Variants in RNF180 observed in about 807,000 individuals in gnomAD.
The protein encoded by RNF180 is ring finger protein 180, also known as E3 ubiquitin-protein ligase RNF180.
A neutral mutation model predicts 59.2 loss-of-function variants in RNF180; 38 were observed. That is an observed-to-expected ratio of 0.64 (90% CI 0.50 to 0.84). RNF180 has a LOEUF of 0.84. Ranked by LOEUF, RNF180 falls within the 40% of genes least tolerant of loss-of-function variation. The probability of loss-of-function intolerance (pLI) is 0.00; values close to 1 mark genes in which losing one functional copy is unlikely to be tolerated. For missense variants in RNF180, 705 were observed against 700.9 expected, an observed-to-expected ratio of 1.01 and a Z score of -0.07; for synonymous variants, 262 against 240.3, an observed-to-expected ratio of 1.09 and a Z score of -0.84.
intron 5 of RNF180, among the ~76,000 whole-genome samples, chr5:64,272,982 T>C (rs1047192198): frequency 6.6e-6 from 1 of 151,912 alleles, no homozygotes; most frequent in Admixed American, 6.6e-5. Context: ...GCTGGAGTAC[T>C]AAATCTGAAG....
intron 5 of RNF180, among the ~76,000 whole-genome samples, chr5:64,295,117 T>C (rs576768082): frequency 6.6e-6 from 1 of 152,332 alleles, no homozygotes; most frequent in Non-Finnish European, 1.5e-5. Flanking sequence ...TTCCTGGTTA[T>C]TGCTGAGTAG....
rs151133100 is a variant in RNF180, at chr5:64,205,349, G to A, written c.135+4407G>A. On this transcript the variant is annotated intron_variant, in intron 2 of 7. Transcript: ENST00000389100. The stretch of plus-strand genomic sequence containing the variant: ...ATGGAGTTTTCAGACAATCTACAAC[G>A]TCCACAAGGAGAAAGGGGGACTTCG... Among the ~76,000 whole-genome samples the A allele has an allele frequency of 2.4e-3, 364 of 152,236 alleles. 2 individuals carry two copies. Among genetic ancestry groups the A allele is most frequent in the African/African-American group, 8.2e-3 (342 of 41,564 alleles).
At chr5:64,354,526 G>A (rs1158228831) in intron 7 of RNF180, among the ~76,000 whole-genome samples, 1 of 151,622 alleles carries the variant, frequency 6.6e-6, no homozygotes, top group African/African-American at 2.4e-5. Flanking sequence ...AGTATTTAAA[G>A]AAGCAACACC....
chr5:64,207,143 CTT>C (rs1752057321), intron 2 of RNF180, among the ~76,000 whole-genome samples: 1 of 151,462 alleles, frequency 6.6e-6, no homozygotes, highest in Non-Finnish European at 1.5e-5. Flanking sequence ...ATATTTATAA[CTT>C]AATAGTGAAA....
chr5:64,367,829 C>T (rs1047138745), intron 7 of RNF180, among the ~76,000 whole-genome samples: 2 of 151,758 alleles, frequency 1.3e-5, no homozygotes, highest in East Asian at 3.9e-4. Flanking sequence ...GTTTATTATG[C>T]TGTCCCTGTT....
chr5:64,253,039 C>T (rs1319834027), intron 5 of RNF180, among the ~76,000 whole-genome samples: 2 of 152,000 alleles, frequency 1.3e-5, no homozygotes, highest in African/African-American at 4.8e-5. Flanking sequence ...AATCCTGAAA[C>T]TATTTACCAC....
At chr5:64,190,185 TGTAGGTCAGACCA>T (rs1205103875) in intron 1 of RNF180, among the ~76,000 whole-genome samples, 1 of 152,236 alleles carries the variant, frequency 6.6e-6, no homozygotes, top group Non-Finnish European at 1.5e-5. Flanking sequence ...ATGGTGGGCC[TGTAGGTCAGACCA>T]TTAAGCCAGA....
At chr5:64,334,550 CTTCT>C (rs1745042689) in intron 7 of RNF180, among the ~76,000 whole-genome samples, 1 of 122,918 alleles carries the variant, frequency 8.1e-6, no homozygotes, top group Non-Finnish European at 1.8e-5. Context: ...TTCTGTAGTT[CTTCT>C]TTGTTTACCC....
chr5:64,311,628 G>T (rs1226543012), intron 5 of RNF180, among the ~76,000 whole-genome samples: 1 of 151,752 alleles, frequency 6.6e-6, no homozygotes, highest in African/African-American at 2.4e-5. Context: ...TGTTCCTTTT[G>T]CCCAAAATGT....
intron 1 of RNF180, among the ~76,000 whole-genome samples, chr5:64,175,365 T>G (rs1357783811): frequency 2.0e-5 from 3 of 152,194 alleles, no homozygotes; most frequent in African/African-American, 7.2e-5. Context: ...CCAGTATCAT[T>G]TATTTAAGAG....
At chr5:64,319,531 T>C (rs1024865605) in intron 5 of RNF180, among the ~76,000 whole-genome samples, 1 of 152,216 alleles carries the variant, frequency 6.6e-6, no homozygotes, top group East Asian at 1.9e-4. Flanking sequence ...TATACTATTC[T>C]TTGTGCCTTT....
rs1223852760 is a variant in RNF180, at chr5:64,174,983, T to TTC, written c.-1+9031_-1+9032insCT. Among the ~76,000 whole-genome samples the TTC allele has an allele frequency of 2.9e-3, 402 of 140,898 alleles. 6 individuals carry two copies. The highest frequency in any genetic ancestry group is 0.01 in the African/African-American group (387 of 37,898). The allele number at this position is 140,898 out of a possible 152,430, so 92.4% of individuals were successfully genotyped here. On this transcript the variant is annotated intron_variant, in intron 1 of 7. Transcript: ENST00000389100. ...TCTTTTTTTTTTTTTTTTTTTTTTTTTTGAGACGGAGTCTCGCTCTGTCCC... is the reference window on the plus strand; with the variant it reads ...TCTTTTTTTTTTTTTTTTTTTTTTTTTCTTGAGACGGAGTCTCGCTCTGTCCC...
At chr5:64,253,118 G>C (rs977601591) in intron 5 of RNF180, among the ~76,000 whole-genome samples, 1 of 152,122 alleles carries the variant, frequency 6.6e-6, no homozygotes, top group Non-Finnish European at 1.5e-5. Flanking sequence ...TCTACACAGA[G>C]AAAATCAGAG....
At chr5:64,224,346 C>A (rs1038683243) in intron 5 of RNF180, among the ~76,000 whole-genome samples, 1 of 151,970 alleles carries the variant, frequency 6.6e-6, no homozygotes, top group East Asian at 1.9e-4. Context: ...ATATTTTGAT[C>A]CTATGCTGTC....
intron 2 of RNF180, among the ~76,000 whole-genome samples, chr5:64,209,359 A>G (rs1052813111): frequency 6.6e-6 from 1 of 152,026 alleles, no homozygotes; most frequent in Non-Finnish European, 1.5e-5. Flanking sequence ...ATGCTATGTG[A>G]TTAAAAAATG....
chr5:64,260,307 G>A (rs988159796), intron 5 of RNF180, among the ~76,000 whole-genome samples: 1 of 152,102 alleles, frequency 6.6e-6, no homozygotes, highest in Admixed American at 6.6e-5. Flanking sequence ...CGGTTATGCA[G>A]TAGTCTCTGT....
chr5:64,228,750 T>G (rs1351818039), intron 5 of RNF180, among the ~76,000 whole-genome samples: 4 of 152,018 alleles, frequency 2.6e-5, no homozygotes, highest in African/African-American at 9.7e-5. Flanking sequence ...GAAGCTTAGA[T>G]CACTCACCTT....
chr5:64,329,618 C>T (rs1277437945), intron 6 of RNF180, among the ~76,000 whole-genome samples: 2 of 151,910 alleles, frequency 1.3e-5, no homozygotes, highest in East Asian at 3.9e-4. Flanking sequence ...CCACCATGCC[C>T]AGCTAATTTT....
chr5:64,267,902 T>TA (rs1173532058), intron 5 of RNF180, among the ~76,000 whole-genome samples: 1 of 152,192 alleles, frequency 6.6e-6, no homozygotes, highest in Non-Finnish European at 1.5e-5. Flanking sequence ...GTAGTGCTGA[T>TA]ACTGCTGTGA....
Sources: gnomAD v4.1 joint callset for allele counts (sites outside exome capture counted in the v4.1 genomes callset) on GRCh38, gnomAD v4.1.1 for gene constraint, MANE v1.5 for transcripts, NCBI Gene and HGNC (gene_info 2026-07-23, HGNC 2026-07-21) for gene names.